The following AGPAT4 variants were observed in gnomAD, a reference collection of about 807,000 sequenced individuals.
AGPAT4 encodes the protein 1-acylglycerol-3-phosphate O-acyltransferase 4.
Under a neutral mutation model 48.0 loss-of-function variants are expected in AGPAT4, and 15 were observed. The ratio of observed to expected loss-of-function variants is 0.31; its 90% CI spans 0.21 to 0.48. The LOEUF (loss-of-function observed/expected upper bound fraction) is 0.48. Ranked by LOEUF, AGPAT4 falls within the 20% of genes least tolerant of loss-of-function variation. The pLI, the probability that AGPAT4 is intolerant of heterozygous loss-of-function variation, is 0.99. For synonymous variants in AGPAT4, 178 were observed against 198.7 expected, an observed-to-expected ratio of 0.90 and a Z score of 0.88; for missense variants, 314 against 482.5, an observed-to-expected ratio of 0.65 and a Z score of 3.27.
Position 161,171,725 on chromosome 6 carries a change from T to C in AGPAT4, c.179-5308A>G, listed in dbSNP as rs1157554749. ...TAACACAGTGAAACCCTGTCTCTAC[T>C]AAAAATACAAAAAAAAAAAAAAAAA... On this transcript the variant is annotated intron_variant, in intron 2 of 8. Coordinates refer to ENST00000320285, the MANE Select transcript of AGPAT4 (RefSeq NM_020133.3). This position sits in a 1 kb window ranked among gnomAD's most constrained non-coding sequence, Gnocchi z 4.4. Among the ~76,000 whole-genome samples the C allele has an allele frequency of 2.5e-5, 3 of 121,600 alleles. No individual in the cohort carries two copies. Among genetic ancestry groups the C allele is most frequent in the Admixed American group, 8.3e-5 (1 of 12,050 alleles). 79.8% of individuals were successfully genotyped at this position (121,600 alleles called of 152,430 possible).
rs957275147 is a variant in AGPAT4, at chr6:161,223,328, T to G, written c.178+8708A>C. On this transcript the variant is annotated intron_variant, in intron 2 of 8. Coordinates refer to ENST00000320285, the MANE Select transcript of AGPAT4 (RefSeq NM_020133.3). This position sits in a 1 kb window ranked among gnomAD's most constrained non-coding sequence, Gnocchi z 6.3. ...GCACAGGTTTGATCCTAGCAGATGTTTGCTTAACATCATCCTTGGGTGTTA... is the reference window on the plus strand; with the variant it reads ...GCACAGGTTTGATCCTAGCAGATGTGTGCTTAACATCATCCTTGGGTGTTA... Among the ~76,000 whole-genome samples the G allele has an allele frequency of 6.6e-5, 10 of 152,198 alleles. No individual in the cohort carries two copies. The highest frequency in any genetic ancestry group is 6.5e-4 in the Admixed American group (10 of 15,282).
In AGPAT4 at chr6:161,243,606, C is replaced by T. The variant is rs564962591; in HGVS notation, c.-89-11304G>A. 1.5e-4 allele frequency among the ~76,000 whole-genome samples: 23 copies of T among 152,264 alleles called. No homozygotes were observed. Among genetic ancestry groups the T allele is most frequent in the African/African-American group, 3.9e-4 (16 of 41,548 alleles). On this transcript the variant is annotated intron_variant, in intron 1 of 8. Coordinates refer to ENST00000320285, the MANE Select transcript of AGPAT4 (RefSeq NM_020133.3). The surrounding 1 kb of genome is among the most constrained non-coding windows in gnomAD (Gnocchi z 4.8). ...GGAGGTGAAATTCCCTGCCTCCCAC[C>T]GTGCTGTAACAATTACACACAGGAA...
chr6:161,179,566 TAC>T (rs1024202015), intron 2 of AGPAT4, among the ~76,000 whole-genome samples: 1 of 152,224 alleles, frequency 6.6e-6, no homozygotes, highest in African/African-American at 2.4e-5. Flanking sequence ...TGATTTCTAC[TAC>T]ATTTGACCTT....
chr6:161,180,829 C>T lies in AGPAT4; in HGVS notation c.179-14412G>A, dbSNP rs1317416282. On this transcript the variant is annotated intron_variant, in intron 2 of 8. Coordinates refer to ENST00000320285, the MANE Select transcript of AGPAT4 (RefSeq NM_020133.3). The surrounding 1 kb of genome is among the most constrained non-coding windows in gnomAD (Gnocchi z 6.4). ...AGGTCAGTCGTCAAGTTACAGGGTG[C>T]CCACCAGACCCTCTCTGTGCCTGAT... Among the ~76,000 whole-genome samples the T allele has an allele frequency of 1.3e-5, 2 of 152,114 alleles. No individual in the cohort carries two copies. The highest frequency in any genetic ancestry group is 2.9e-5 in the Non-Finnish European group (2 of 68,024).
rs1035620733 is a variant in AGPAT4 at position 161,155,026 on chromosome 6, C to T, written c.349-716G>A. On this transcript the variant is annotated intron_variant, in intron 3 of 8. Transcript: ENST00000320285. The surrounding 1 kb of genome is among the most constrained non-coding windows in gnomAD (Gnocchi z 5.8). Reference sequence around the variant, plus strand: ...AGATGTGCTCGGTGCCCTCCACACCCGCTGCCAGCATGTCCTTGAGGCTGA... The same window carrying T: ...AGATGTGCTCGGTGCCCTCCACACCTGCTGCCAGCATGTCCTTGAGGCTGA... 8.5e-5 allele frequency among the ~76,000 whole-genome samples: 13 copies of T among 152,226 alleles called. No individual in the cohort carries two copies. The East Asian group carries it at 9.6e-4, about 11-fold the overall frequency.
At chr6:161,173,743 T>TA (rs1780347052) in intron 2 of AGPAT4, among the ~76,000 whole-genome samples, 1 of 152,240 alleles carries the variant, frequency 6.6e-6, no homozygotes, top group Non-Finnish European at 1.5e-5. Flanking sequence ...TGAATGGTAT[T>TA]GCCTAGGTTT....
In AGPAT4 at chr6:161,219,942, GCAGGCAGA is replaced by G. The variant is rs1358375712; in HGVS notation, c.178+12086_178+12093del. 4.6e-3 allele frequency among the ~76,000 whole-genome samples: 651 copies of G among 142,664 alleles called. 1 individual carries two copies. The highest frequency in any genetic ancestry group is 0.017 in the African/African-American group (611 of 35,112). 93.6% of individuals were successfully genotyped at this position (142,664 alleles called of 152,430 possible). ...GGCAGGCAGGCAGGCAGGCAGGCAG[GCAGGCAGA>G]CAGACAGACAGACAGACAGGCAGGC... On this transcript the variant is annotated intron_variant, in intron 2 of 8. Transcript: ENST00000320285. This position sits in a 1 kb window ranked among gnomAD's most constrained non-coding sequence, Gnocchi z 4.9.
In AGPAT4 at chr6:161,222,223, A is replaced by C. The variant is rs1437975114; in HGVS notation, c.178+9813T>G. The stretch of plus-strand genomic sequence containing the variant: ...TGAATTTCAGCACATTTGATTTCAC[A>C]ATGGGCTCACTTTATATTTTCCTTT... On this transcript the variant is annotated intron_variant, in intron 2 of 8. Coordinates refer to ENST00000320285, the MANE Select transcript of AGPAT4 (RefSeq NM_020133.3). This position sits in a 1 kb window ranked among gnomAD's most constrained non-coding sequence, Gnocchi z 5.9. Among the ~76,000 whole-genome samples the C allele has an allele frequency of 6.6e-6, 1 of 152,180 alleles. No individual in the cohort carries two copies. The highest frequency in any genetic ancestry group is 1.5e-5 in the Non-Finnish European group (1 of 68,032).
rs1223897151 is a variant in AGPAT4, at chr6:161,132,648, G to A, written c.*3892C>T. 6.6e-6 allele frequency: 1 copy of A among 152,316 alleles called. No individual in the cohort carries two copies. Among genetic ancestry groups the A allele is most frequent in the African/African-American group, 2.4e-5 (1 of 41,478 alleles). The allele number at this position is 152,316 out of a possible 1,614,324, so 9.4% of individuals were successfully genotyped here. A position where few individuals can be genotyped will look rare whatever the true frequency, so the allele number is the denominator to read the frequency against. ...AGCATGGTGGAGTCCGAAAGCATTG[G>A]CAAAGCCAGCACATCTGTGAGCATG... On this transcript the variant is annotated 3_prime_UTR_variant, in exon 9 of 9. Transcript: ENST00000320285.
At chr6:161,205,196 C>T (rs776994694) in intron 2 of AGPAT4, among the ~76,000 whole-genome samples, 7 of 152,192 alleles carry the variant, frequency 4.6e-5, no homozygotes, top group Non-Finnish European at 1.0e-4. Context: ...TGATCTCCCT[C>T]CTGGCTGCCC....
intron 1 of AGPAT4, among the ~76,000 whole-genome samples, chr6:161,256,713 C>T (rs2114742831): frequency 1.3e-5 from 2 of 152,274 alleles, no homozygotes; most frequent in Middle Eastern, 6.8e-3. Flanking sequence ...AAGAGCGTTC[C>T]CGAAAGAAAT....
chr6:161,243,571 A>G lies in AGPAT4; in HGVS notation c.-89-11269T>C, dbSNP rs116162700. ...ATGCTCTCTGAGCCTCCGGGTCTGT[A>G]TCTGCTAATGGAGGTGAAATTCCCT... On this transcript the variant is annotated intron_variant, in intron 1 of 8. Transcript: ENST00000320285. The surrounding 1 kb of genome is among the most constrained non-coding windows in gnomAD (Gnocchi z 4.8). Among the ~76,000 whole-genome samples the G allele has an allele frequency of 8.9e-3, 1,355 of 152,272 alleles. 28 individuals are homozygous for G. The highest frequency in any genetic ancestry group is 0.031 in the African/African-American group (1,284 of 41,552).
intron 1 of AGPAT4, among the ~76,000 whole-genome samples, chr6:161,253,783 C>G (rs1473987204): frequency 6.6e-6 from 1 of 152,086 alleles, no homozygotes; most frequent in Admixed American, 6.6e-5. Flanking sequence ...TTTCTACATT[C>G]AACACTGCGA....
At position 161,262,943 on chromosome 6, in the gene AGPAT4, C is replaced by T. The variant is rs550649080; in HGVS notation, c.-90+10995G>A. 3.9e-4 allele frequency among the ~76,000 whole-genome samples: 60 copies of T among 152,242 alleles called. No homozygotes were observed. The highest frequency in any genetic ancestry group is 1.4e-3 in the African/African-American group (59 of 41,550). On this transcript the variant is annotated intron_variant, in intron 1 of 8. Transcript: ENST00000320285. The surrounding 1 kb of genome is among the most constrained non-coding windows in gnomAD (Gnocchi z 4.9). Reference sequence around the variant, plus strand: ...ACCGAGGAAGAGAGGCCAGGAGGAGCAAAGCAAGCCCTGGGCTATTCCAGA... The same window carrying T: ...ACCGAGGAAGAGAGGCCAGGAGGAGTAAAGCAAGCCCTGGGCTATTCCAGA...
At position 161,231,529 on chromosome 6, in the gene AGPAT4, T is replaced by G. The variant is rs1477026805; in HGVS notation, c.178+507A>C. On this transcript the variant is annotated intron_variant, in intron 2 of 8. Coordinates refer to ENST00000320285, the MANE Select transcript of AGPAT4 (RefSeq NM_020133.3). This position sits in a 1 kb window ranked among gnomAD's most constrained non-coding sequence, Gnocchi z 5.3. Reference sequence around the variant, plus strand: ...CCAAGGAGTGTACAGAATTTCTCAGTATTATTTGTTACAGCTTCATGTGAA... The same window carrying G: ...CCAAGGAGTGTACAGAATTTCTCAGGATTATTTGTTACAGCTTCATGTGAA... Among the ~76,000 whole-genome samples, 1 of 152,150 alleles carries G rather than the reference T, an allele frequency of 6.6e-6. No individual in the cohort carries two copies. Among genetic ancestry groups the G allele is most frequent in the Non-Finnish European group, 1.5e-5 (1 of 68,040 alleles).
rs1778942275 is a variant in AGPAT4 at position 161,132,767 on chromosome 6, G to A, written c.*3773C>T. On this transcript the variant is annotated 3_prime_UTR_variant, in exon 9 of 9. Coordinates refer to ENST00000320285, the MANE Select transcript of AGPAT4 (RefSeq NM_020133.3). ...ATCGTGAGACACAGGTGTGGTGGAGGCATTATGAGGGGACTACTCCACAGG... is the reference window on the plus strand; with the variant it reads ...ATCGTGAGACACAGGTGTGGTGGAGACATTATGAGGGGACTACTCCACAGG... 1 of 152,224 alleles carries A rather than the reference G, an allele frequency of 6.6e-6. No homozygotes were observed. The highest frequency in any genetic ancestry group is 2.4e-5 in the African/African-American group (1 of 41,454). The allele number at this position is 152,224 out of a possible 1,614,324, so 9.4% of individuals were successfully genotyped here.
At position 161,232,390 on chromosome 6, in the gene AGPAT4, A is replaced by T. The variant is rs1448099309; in HGVS notation, c.-89-88T>A. 5.0e-6 allele frequency: 3 copies of T among 599,968 alleles called. No individual in the cohort carries two copies. The highest frequency in any genetic ancestry group is 8.6e-6 in the Non-Finnish European group (3 of 346,886). 37.2% of individuals were successfully genotyped at this position (599,968 alleles called of 1,614,324 possible). ...AAGTGCTCTGAAAAGAAAAATATAC[A>T]CTTGAGGTTAAACTCATGTGCGTTA... On this transcript the variant is annotated intron_variant, in intron 1 of 8. Coordinates refer to ENST00000320285, the MANE Select transcript of AGPAT4 (RefSeq NM_020133.3). The surrounding 1 kb of genome is among the most constrained non-coding windows in gnomAD (Gnocchi z 6.8).
rs561131420 is a variant in AGPAT4, at chr6:161,270,698, C to T, written c.-90+3240G>A. Among the ~76,000 whole-genome samples, 2 of 152,234 alleles carry T rather than the reference C, an allele frequency of 1.3e-5. No individual in the cohort carries two copies. Among genetic ancestry groups the T allele is most frequent in the Admixed American group, 6.5e-5 (1 of 15,292 alleles). On this transcript the variant is annotated intron_variant, in intron 1 of 8. Coordinates refer to ENST00000320285, the MANE Select transcript of AGPAT4 (RefSeq NM_020133.3). This position sits in a 1 kb window ranked among gnomAD's most constrained non-coding sequence, Gnocchi z 5.3. ...TCGGGAGGCTGAGGCAGGAGAATCG[C>T]TTGAATCCAGGAGGGGGAGGTTGTG...
Position 161,139,473 on chromosome 6 carries a change from T to C in AGPAT4, c.991A>G (p.Arg331Gly). Reference protein sequence around the residue: ...PFFQFLVSMIRSGSSLTLASF... With the variant: ...PFFQFLVSMIGSGSSLTLASF... ...GCCAGCGTCAGGGAAGACCCGCTCC[T>C]GATCATGCTGACCAGGAACTGGAAG... Residue 331 changes from arginine (R) to glycine (G), a missense_variant, in exon 8 of 9, where the codon AGG becomes GGG. Coordinates refer to ENST00000320285, the MANE Select transcript of AGPAT4 (RefSeq NM_020133.3). This position sits in a 1 kb window ranked among gnomAD's most constrained non-coding sequence, Gnocchi z 9.1. 6.2e-7 allele frequency: 1 copy of C among 1,614,052 alleles called. No homozygotes were observed. Among genetic ancestry groups the C allele is most frequent in the East Asian group, 2.2e-5 (1 of 44,856 alleles).
Sources: allele counts gnomAD v4.1 joint callset (sites outside exome capture counted in the v4.1 genomes callset), GRCh38; gene constraint gnomAD v4.1.1; non-coding constraint Gnocchi (gnomAD v3.1); transcripts MANE v1.5; gene names NCBI Gene and HGNC (gene_info 2026-07-23, HGNC 2026-07-21).